The following AKAP9 variants were observed in gnomAD, a reference collection of about 807,000 sequenced individuals.
The protein encoded by AKAP9 is A-kinase anchor protein 9.
Under a neutral mutation model 488.5 loss-of-function variants are expected in AKAP9, and 311 were observed. That is an observed-to-expected ratio of 0.64 (90% CI 0.58 to 0.70). The LOEUF (loss-of-function observed/expected upper bound fraction) is 0.70, where lower values mean the gene tolerates loss of function less well. Ranked by LOEUF, AKAP9 falls within the 30% of genes least tolerant of loss-of-function variation. The pLI, the probability that AKAP9 is intolerant of heterozygous loss-of-function variation, is 0.00. For missense variants in AKAP9, 4,215 were observed against 4,374.5 expected (o/e 0.96, Z 1.03); for synonymous variants, 1,462 against 1,483.5 (o/e 0.99, Z 0.33).
chr7:91,985,440 A>G (rs1348658460), intron 3 of AKAP9, among the ~76,000 whole-genome samples: 3 of 152,080 alleles, frequency 2.0e-5, no homozygotes, highest in Admixed American at 6.6e-5. Context: ...GTTTTGAACC[A>G]GCCTTGCAGC....
Position 92,062,394 on chromosome 7 carries a change from T to G in AKAP9, c.5885T>G (p.Leu1962Trp). Residue 1962 changes from leucine (L) to tryptophan (W), a missense_variant, in exon 24 of 50, where the codon TTG becomes TGG. Leu to Trp is a moderately conservative substitution (Grantham distance 61). Coordinates refer to ENST00000356239, the MANE Select transcript of AKAP9 (RefSeq NM_005751.5). ...LLCASNRLQE[L>W]EAEQQQIQEE... ...TGTGCAAGTAACAGGTTGCAAGAATTGGAGGCAGAGCAACAGCAGATCCAA... is the reference window on the plus strand; with the variant it reads ...TGTGCAAGTAACAGGTTGCAAGAATGGGAGGCAGAGCAACAGCAGATCCAA... 6.2e-7 allele frequency: 1 copy of G among 1,613,862 alleles called. No individual in the cohort carries two copies. The highest frequency in any genetic ancestry group is 8.5e-7 in the Non-Finnish European group (1 of 1,179,858).
At chr7:91,995,330 A>G (rs1367305074) in intron 6 of AKAP9, among the ~76,000 whole-genome samples, 1 of 152,230 alleles carries the variant, frequency 6.6e-6, no homozygotes, top group Non-Finnish European at 1.5e-5. Flanking sequence ...GGAAAGCCAT[A>G]GGGAATTCGG....
chr7:92,025,482 A>C (rs866244825), intron 14 of AKAP9, among the ~76,000 whole-genome samples: 16 of 152,254 alleles, frequency 1.1e-4, no homozygotes, highest in Middle Eastern at 3.2e-3. Flanking sequence ...ATAGCATCAC[A>C]TATTTTGGAC....
In AKAP9 at chr7:91,987,937, C is replaced by T. The variant is rs1474023531; in HGVS notation, c.352-4221C>T. On this transcript the variant is annotated intron_variant, in intron 3 of 49. Transcript: ENST00000356239. ...CTGTAATCTCTGCACTTTGGGAGGCCAAGGTGGGAAGATCACTGGAGCTCA... is the reference window on the plus strand; with the variant it reads ...CTGTAATCTCTGCACTTTGGGAGGCTAAGGTGGGAAGATCACTGGAGCTCA... Among the ~76,000 whole-genome samples the T allele has an allele frequency of 3.9e-5, 6 of 152,004 alleles. No homozygotes were observed. In the East Asian group the frequency reaches 1.2e-3, roughly 29 times the overall value.
chr7:91,963,500 A>T (rs1311377437), intron 1 of AKAP9, among the ~76,000 whole-genome samples: 14 of 146,836 alleles, frequency 9.5e-5, no homozygotes, highest in Non-Finnish European at 1.6e-4. Context: ...ACACACACAC[A>T]CACACACACA....
chr7:92,013,039 TGGAGTGCAGTGGCG>T (rs1800984995), intron 9 of AKAP9, among the ~76,000 whole-genome samples: 1 of 125,336 alleles, frequency 8.0e-6, no homozygotes, highest in Non-Finnish European at 1.6e-5. Flanking sequence ...TCGCCCAGGC[TGGAGTGCAGTGGCG>T]GGATCTCGGC....
intron 7 of AKAP9, among the ~76,000 whole-genome samples, chr7:91,999,854 GTTCA>G (rs34314890): frequency 0.055 from 8,313 of 151,378 alleles, 280 homozygotes; most frequent in Non-Finnish European, 0.08. Flanking sequence ...CTTTAGTTAT[GTTCA>G]TTCATTCATT....
At chr7:91,953,012 A>G (rs941798344) in intron 1 of AKAP9, among the ~76,000 whole-genome samples, 4 of 152,174 alleles carry the variant, frequency 2.6e-5, no homozygotes, top group African/African-American at 9.7e-5. Flanking sequence ...GGGGAATAAT[A>G]TGGTTAGCTA....
Position 92,002,501 on chromosome 7 carries a change from CAA to C in AKAP9, c.2585_2586del (p.Gln862ArgfsTer15), listed in dbSNP as rs1799296048. On this transcript the variant is annotated frameshift_variant, in exon 8 of 50. Coordinates refer to ENST00000356239, the MANE Select transcript of AKAP9 (RefSeq NM_005751.5). LOFTEE classifies it high-confidence loss of function. Reference protein sequence around the residue: ...FAEKNFEVNYQELQEEYACLL... With the variant: ...FAEKNFEVNYXELQEEYACLL... ...TGAAAAAAACTTTGAAGTTAACTAT[CAA>C]GAGTTACAAGAGGAGTATGCTTGCC... 2 of 1,610,500 alleles carry C rather than the reference CAA, an allele frequency of 1.2e-6. No individual in the cohort carries two copies. The highest frequency in any genetic ancestry group is 2.2e-5 in the South Asian group (2 of 89,968).
intron 21 of AKAP9, among the ~76,000 whole-genome samples, chr7:92,048,877 C>A (rs1807449758): frequency 6.6e-6 from 1 of 152,058 alleles, no homozygotes; most frequent in Non-Finnish European, 1.5e-5. Flanking sequence ...CTGCACTAAT[C>A]AGAAGGCCTT....
chr7:92,034,323 A>G (rs944269714), intron 16 of AKAP9, among the ~76,000 whole-genome samples: 2 of 151,648 alleles, frequency 1.3e-5, no homozygotes, highest in African/African-American at 4.8e-5. Context: ...TAATCCTGCA[A>G]CTCCCATATT....
chr7:92,080,014 A>G lies in AKAP9; in HGVS notation c.7881A>G (p.Glu2627=). 1 of 1,563,624 alleles carries G rather than the reference A, an allele frequency of 6.4e-7. No individual in the cohort carries two copies. Among genetic ancestry groups the G allele is most frequent in the Non-Finnish European group, 8.6e-7 (1 of 1,164,396 alleles). Residue 2627 remains glutamate (E), a synonymous_variant, in exon 31 of 50, where the codon GAA becomes GAG. Coordinates refer to ENST00000356239, the MANE Select transcript of AKAP9 (RefSeq NM_005751.5). ...EMHTSLILEK[E]QVEIAEKNVL... The stretch of plus-strand genomic sequence containing the variant: ...ATACTAGTTTGATTTTAGAAAAAGA[A>G]CAAGTAGAAATTGCAGAAAAAAATG...
intron 8 of AKAP9, among the ~76,000 whole-genome samples, chr7:92,004,689 G>A (rs1196249761): frequency 6.6e-6 from 1 of 152,194 alleles, no homozygotes; most frequent in Non-Finnish European, 1.5e-5. Flanking sequence ...CTTTGCTGAA[G>A]TTGCTTATCA....
At chr7:92,093,357 G>A (rs1815971235) in intron 39 of AKAP9, 41 bp downstream of exon 39, 5 of 1,562,246 alleles carry the variant, frequency 3.2e-6, no homozygotes, top group Non-Finnish European at 4.4e-6. Context: ...AACAAGGAGT[G>A]GGAGTAATTT....
At chr7:92,060,516 T>C (rs1809585980) in intron 22 of AKAP9, among the ~76,000 whole-genome samples, 1 of 152,164 alleles carries the variant, frequency 6.6e-6, no homozygotes, top group Non-Finnish European at 1.5e-5. Context: ...ACAGCTCATT[T>C]AGTAGCAGTG....
chr7:91,987,334 G>T (rs1797225251), intron 3 of AKAP9, among the ~76,000 whole-genome samples: 1 of 151,754 alleles, frequency 6.6e-6, no homozygotes, highest in African/African-American at 2.4e-5. Flanking sequence ...CAGGAAAATT[G>T]TTTGAATCTG....
rs1429557762 is a variant in AKAP9 at position 92,008,196 on chromosome 7, C to T, written c.3319-4233C>T. 2.0e-5 allele frequency among the ~76,000 whole-genome samples: 3 copies of T among 151,256 alleles called. No homozygotes were observed. In the East Asian group the frequency reaches 5.8e-4, roughly 29 times the overall value. ...TGACCTGATCAACATGGTGAAACCC[C>T]GTCTCTACCAAAAATAAAAAATTAG... On this transcript the variant is annotated intron_variant, in intron 8 of 49. Transcript: ENST00000356239.
At chr7:91,956,755 G>C (rs1479294547) in intron 1 of AKAP9, among the ~76,000 whole-genome samples, 1 of 152,156 alleles carries the variant, frequency 6.6e-6, no homozygotes, top group African/African-American at 2.4e-5. Flanking sequence ...AAGTCAAAGT[G>C]TGTTATAAAT....
intron 3 of AKAP9, among the ~76,000 whole-genome samples, chr7:91,987,854 A>G (rs1445233723): frequency 6.6e-6 from 1 of 152,130 alleles, no homozygotes; most frequent in African/African-American, 2.4e-5. Context: ...TTATGGAATT[A>G]TCTCTCAATA....
Sources: gnomAD v4.1 joint callset for allele counts (sites outside exome capture counted in the v4.1 genomes callset) on GRCh38, gnomAD v4.1.1 for gene constraint, MANE v1.5 for transcripts, NCBI Gene and HGNC (gene_info 2026-07-23, HGNC 2026-07-21) for gene names.